Variants in PPP1R14C observed in about 807,000 individuals in gnomAD.
The protein encoded by PPP1R14C is protein phosphatase 1 regulatory subunit 14C.
PPP1R14C carries 16 observed loss-of-function variants against 20.4 expected under a neutral mutation model. That is an observed-to-expected ratio of 0.78 (90% CI 0.53 to 1.19). The LOEUF (loss-of-function observed/expected upper bound fraction) is 1.19, where lower values mean the gene tolerates loss of function less well. Among genes scored for constraint, PPP1R14C ranks in the 50% most tolerant of loss-of-function variants. The probability of loss-of-function intolerance (pLI) is 0.00; values close to 1 mark genes in which losing one functional copy is unlikely to be tolerated. For missense variants in PPP1R14C, 211 were observed against 220.1 expected (o/e 0.96, Z 0.26); for synonymous variants, 91 against 91.0 (o/e 1.00, Z 0.00).
At chr6:150,216,990 C>A in intron 3 of PPP1R14C, 134 bp downstream of exon 3, 1 of 644,892 alleles carries the variant, frequency 1.6e-6, no homozygotes, top group Non-Finnish European at 2.7e-6. Context: ...TCCATGAGTG[C>A]ATATGTTTGA....
intron 1 of PPP1R14C, among the ~76,000 whole-genome samples, chr6:150,179,271 G>T (rs1156578739): frequency 6.6e-6 from 1 of 152,072 alleles, no homozygotes; most frequent in Non-Finnish European, 1.5e-5. Context: ...AGGTGTGGTG[G>T]TGCTAGCTAC....
chr6:150,212,851 T>C (rs1051858574), intron 1 of PPP1R14C, among the ~76,000 whole-genome samples: 7 of 152,186 alleles, frequency 4.6e-5, no homozygotes. Flanking sequence ...CTAGGAGCAA[T>C]ATAGGCTGTG....
intron 3 of PPP1R14C, among the ~76,000 whole-genome samples, chr6:150,219,209 A>G (rs1367426914): frequency 6.6e-6 from 1 of 151,524 alleles, no homozygotes; most frequent in Non-Finnish European, 1.5e-5. Context: ...CTTGGAGTTG[A>G]CAATCCTTGC....
chr6:150,174,630 G>T (rs1051780503), intron 1 of PPP1R14C, among the ~76,000 whole-genome samples: 1 of 151,928 alleles, frequency 6.6e-6, no homozygotes, highest in African/African-American at 2.4e-5. Context: ...GTTCAACGGT[G>T]TGTTTTAAAT....
intron 1 of PPP1R14C, among the ~76,000 whole-genome samples, chr6:150,199,193 A>G (rs1427155408): frequency 6.6e-6 from 1 of 152,104 alleles, no homozygotes; most frequent in Non-Finnish European, 1.5e-5. Context: ...TTACAAGTTC[A>G]TGGGGGTGAT....
At chr6:150,186,025 C>T (rs1024920618) in intron 1 of PPP1R14C, among the ~76,000 whole-genome samples, 17 of 152,270 alleles carry the variant, frequency 1.1e-4, no homozygotes, top group African/African-American at 3.9e-4. Context: ...CCCAGCCCTA[C>T]CCTGTCGCTG....
chr6:150,230,949 C>T (rs1778287315), intron 3 of PPP1R14C, among the ~76,000 whole-genome samples: 1 of 152,148 alleles, frequency 6.6e-6, no homozygotes, highest in Non-Finnish European at 1.5e-5. Context: ...GGAAGGCTAC[C>T]AGATAGTTGG....
At chr6:150,243,727 T>C (rs1289082227) in intron 3 of PPP1R14C, among the ~76,000 whole-genome samples, 2 of 152,298 alleles carry the variant, frequency 1.3e-5, no homozygotes, top group African/African-American at 4.8e-5. Context: ...ACATGAATGT[T>C]TTAAACAACT....
chr6:150,189,537 G>T (rs1020507244), intron 1 of PPP1R14C, among the ~76,000 whole-genome samples: 1 of 128,232 alleles, frequency 7.8e-6, no homozygotes, highest in Non-Finnish European at 1.6e-5. Context: ...ATTGCATTTG[G>T]AAAACATTCT....
intron 1 of PPP1R14C, among the ~76,000 whole-genome samples, chr6:150,208,022 C>G (rs868783989): frequency 6.6e-6 from 1 of 152,068 alleles, no homozygotes; most frequent in Non-Finnish European, 1.5e-5. Context: ...GGGGGCTGAT[C>G]CACTTTATAA....
chr6:150,214,594 C>A, intron 1 of PPP1R14C, 150 bp from the exon 2 acceptor site: 1 of 588,382 alleles, frequency 1.7e-6, no homozygotes, highest in Non-Finnish European at 3.0e-6. Flanking sequence ...TTCCTTCCCT[C>A]CTCTCCCCCT....
At chr6:150,197,329 C>G (rs1022727486) in intron 1 of PPP1R14C, among the ~76,000 whole-genome samples, 3 of 152,212 alleles carry the variant, frequency 2.0e-5, no homozygotes. Context: ...TAGCCACTGT[C>G]GTTGGTCTAG....
At chr6:150,160,823 T>C (rs995224338) in intron 1 of PPP1R14C, among the ~76,000 whole-genome samples, 1 of 152,192 alleles carries the variant, frequency 6.6e-6, no homozygotes, top group African/African-American at 2.4e-5. Flanking sequence ...TCCTGTGTTC[T>C]TTGACATACC....
intron 1 of PPP1R14C, among the ~76,000 whole-genome samples, chr6:150,206,498 C>G (rs9322252): frequency 6.6e-6 from 1 of 152,118 alleles, no homozygotes; most frequent in Non-Finnish European, 1.5e-5. Context: ...TGACGTAACC[C>G]GTGATGTGCA....
At chr6:150,175,405 A>G (rs1777550526) in intron 1 of PPP1R14C, among the ~76,000 whole-genome samples, 1 of 152,216 alleles carries the variant, frequency 6.6e-6, no homozygotes, top group Non-Finnish European at 1.5e-5. Flanking sequence ...GTAAAATCAC[A>G]GTGGTCATTT....
chr6:150,179,008 G>T (rs1023856074), intron 1 of PPP1R14C, among the ~76,000 whole-genome samples: 5 of 152,100 alleles, frequency 3.3e-5, no homozygotes, highest in Admixed American at 2.0e-4. Flanking sequence ...AGTGTTTTTC[G>T]AAGCCTGTTC....
At chr6:150,209,135 A>T (rs1420505237) in intron 1 of PPP1R14C, among the ~76,000 whole-genome samples, 1 of 152,054 alleles carries the variant, frequency 6.6e-6, no homozygotes, top group East Asian at 1.9e-4. Flanking sequence ...AGCTGCCACA[A>T]TTTGCACAGG....
intron 1 of PPP1R14C, among the ~76,000 whole-genome samples, chr6:150,178,191 A>G (rs1012766598): frequency 3.3e-5 from 5 of 152,038 alleles, no homozygotes; most frequent in Admixed American, 3.3e-4. Context: ...TGCTGGCGCC[A>G]CCTCAGCAGG....
chr6:150,248,191 A>G (rs537763170), intron 3 of PPP1R14C, among the ~76,000 whole-genome samples: 8 of 152,308 alleles, frequency 5.3e-5, no homozygotes, highest in African/African-American at 1.9e-4. Context: ...AAATGCCATC[A>G]ACATATTAAT....
Sources: gnomAD v4.1 joint callset for allele counts (sites outside exome capture counted in the v4.1 genomes callset) on GRCh38, gnomAD v4.1.1 for gene constraint, MANE v1.5 for transcripts, NCBI Gene and HGNC (gene_info 2026-07-23, HGNC 2026-07-21) for gene names.